GPR149: variants seen among roughly 807,000 people sequenced by gnomAD.
The protein encoded by GPR149 is G protein-coupled receptor 149.
GPR149 carries 50 observed loss-of-function variants against 50.2 expected under a neutral mutation model. The ratio of observed to expected loss-of-function variants is 1.00; its 90% CI spans 0.79 to 1.26. GPR149 has a LOEUF of 1.26. Ranked by LOEUF, GPR149 falls within the 50% of genes most tolerant of loss-of-function variation. The pLI is 0.00. For missense variants in GPR149, 983 were observed against 895.4 expected (o/e 1.10, Z -1.25); for synonymous variants, 405 against 358.2 (o/e 1.13, Z -1.48).
chr3:154,361,733 A>G (rs1203900093), intron 3 of GPR149, among the ~76,000 whole-genome samples: 2 of 152,172 alleles, frequency 1.3e-5, no homozygotes, highest in Non-Finnish European at 2.9e-5. Flanking sequence ...ACCTTCTTAG[A>G]ACCAATAATT....
intron 3 of GPR149, chr3:154,353,598 G>T: frequency 1.7e-6 from 2 of 1,197,080 alleles, no homozygotes; most frequent in Non-Finnish European, 2.5e-6. Flanking sequence ...ATATGGTATT[G>T]CACCATAAAA....
intron 3 of GPR149, among the ~76,000 whole-genome samples, chr3:154,394,927 T>A (rs73162340): frequency 0.26 from 38,788 of 152,080 alleles, 5,180 homozygotes; most frequent in South Asian, 0.32. Context: ...GCATTCCAAC[T>A]GTTAGTAGCT....
chr3:154,409,999 T>C (rs1324223668), intron 3 of GPR149, among the ~76,000 whole-genome samples: 2 of 152,122 alleles, frequency 1.3e-5, no homozygotes, highest in Non-Finnish European at 2.9e-5. Context: ...AGGTAACATA[T>C]AAAGGAAAAC....
At chr3:154,427,869 C>T (rs1712351834) in intron 1 of GPR149, among the ~76,000 whole-genome samples, 161 bp from the exon 2 acceptor site, 1 of 152,220 alleles carries the variant, frequency 6.6e-6, no homozygotes, top group Non-Finnish European at 1.5e-5. Context: ...TGGTGATGGG[C>T]TCCTGGGAAC....
intron 3 of GPR149, among the ~76,000 whole-genome samples, chr3:154,372,918 G>A (rs1306482065): frequency 2.6e-5 from 4 of 152,132 alleles, no homozygotes; most frequent in African/African-American, 7.2e-5. Flanking sequence ...GTGGGTTCAG[G>A]AGAAGATAAT....
chr3:154,429,240 G>C lies in GPR149; in HGVS notation c.376C>G (p.Leu126Val). The C allele has an allele frequency of 6.2e-7, 1 of 1,614,184 alleles. No homozygotes were observed. Among genetic ancestry groups the C allele is most frequent in the African/African-American group, 1.3e-5 (1 of 75,062 alleles). ...GLSSNLKATL[L>V]VSYNFYTMHR... The stretch of plus-strand genomic sequence containing the variant: ...ATCGTATAAAAGTTGTAAGAGACTA[G>C]GAGAGTCGCCTTCAAGTTGCTAGAG... The change falls in exon 1 of 4, where the codon CTA (leucine) becomes GTA (valine). Residue 126 changes from leucine to valine, a missense_variant. Transcript: ENST00000389740.
In GPR149 at chr3:154,427,605, A is replaced by G; in HGVS notation, c.1085T>C (p.Val362Ala). 1.2e-6 allele frequency: 2 copies of G among 1,614,188 alleles called. No individual in the cohort carries two copies. Among genetic ancestry groups the G allele is most frequent in the South Asian group, 2.2e-5 (2 of 91,082 alleles). The stretch of plus-strand genomic sequence containing the variant: ...CAAGTGGGTCCAGCGTTTGGACAAG[A>G]CAAACACTGGGGTTACAGTGGTGGC... Reference protein sequence around the residue: ...LLATTVTPVFVLSKRWTHLPC... With the variant: ...LLATTVTPVFALSKRWTHLPC... Residue 362 changes from valine to alanine, a missense_variant, in exon 2 of 4, where the codon GTC (valine) becomes GCC (alanine). Physicochemically the swap from Val to Ala is moderately conservative, Grantham distance 64. Transcript: ENST00000389740.
chr3:154,355,190 G>C (rs1047923251), intron 3 of GPR149, among the ~76,000 whole-genome samples: 4 of 152,046 alleles, frequency 2.6e-5, no homozygotes, highest in Non-Finnish European at 5.9e-5. Flanking sequence ...ACCAGGCCCA[G>C]CTAATTTTGG....
At chr3:154,352,184 C>A in intron 3 of GPR149, 1 of 823,738 alleles carries the variant, frequency 1.2e-6, no homozygotes, top group Non-Finnish European at 1.9e-6. Flanking sequence ...GAGTTCTATT[C>A]CCACTTCATC....
At chr3:154,342,717 A>G (rs1473937849) in intron 3 of GPR149, among the ~76,000 whole-genome samples, 1 of 152,200 alleles carries the variant, frequency 6.6e-6, no homozygotes, top group Admixed American at 6.5e-5. Flanking sequence ...CTTACAAATA[A>G]TTTTAAAAGT....
At chr3:154,427,463 T>C (rs770903121) in intron 2 of GPR149, 53 bp downstream of exon 2, 60 of 1,509,670 alleles carry the variant, frequency 4.0e-5, no homozygotes, top group Non-Finnish European at 5.2e-5. Context: ...ACCACTTTTC[T>C]GAAAGTCACC....
intron 3 of GPR149, among the ~76,000 whole-genome samples, chr3:154,350,664 T>G (rs1443088824): frequency 6.6e-6 from 1 of 152,138 alleles, no homozygotes; most frequent in Non-Finnish European, 1.5e-5. Context: ...AGCAAGATAT[T>G]TTCACAGTTA....
chr3:154,411,817 GAGAA>G (rs1253981969), intron 3 of GPR149, among the ~76,000 whole-genome samples: 1 of 152,102 alleles, frequency 6.6e-6, no homozygotes, highest in Non-Finnish European at 1.5e-5. Flanking sequence ...CCAAAAGATA[GAGAA>G]AGAGAGAGTT....
chr3:154,368,587 C>T (rs1457753274), intron 3 of GPR149, among the ~76,000 whole-genome samples: 5 of 152,108 alleles, frequency 3.3e-5, no homozygotes, highest in Admixed American at 1.3e-4. Flanking sequence ...CTCTTAGAGC[C>T]GTTGAATTGC....
chr3:154,429,015 C>G lies in GPR149; in HGVS notation c.601G>C (p.Ala201Pro). 1 of 1,614,052 alleles carries G rather than the reference C, an allele frequency of 6.2e-7. No individual in the cohort carries two copies. Among genetic ancestry groups the G allele is most frequent in the South Asian group, 1.1e-5 (1 of 91,088 alleles). Residue 201 changes from alanine (A) to proline (P), a missense_variant, in exon 1 of 4, where the codon GCC becomes CCC. Physicochemically the swap from Ala to Pro is conservative, Grantham distance 27 (BLOSUM62 -1). Transcript: ENST00000389740. Reference sequence around the variant, plus strand: ...GAGAGGCCCACGAGGAGTCCGAAGGCCAAAGCGTACACGATAGAGAGGAAT... The same window carrying G: ...GAGAGGCCCACGAGGAGTCCGAAGGGCAAAGCGTACACGATAGAGAGGAAT... ...VLFLSIVYAL[A>P]FGLLVGLSVP...
At chr3:154,368,296 A>G (rs1442250738) in intron 3 of GPR149, among the ~76,000 whole-genome samples, 1 of 152,198 alleles carries the variant, frequency 6.6e-6, no homozygotes, top group African/African-American at 2.4e-5. Flanking sequence ...GGCAGGATCA[A>G]GATTCCCTAT....
intron 3 of GPR149, among the ~76,000 whole-genome samples, chr3:154,405,577 G>C (rs1179984942): frequency 3.8e-5 from 3 of 79,070 alleles, no homozygotes; most frequent in Admixed American, 2.3e-4. Flanking sequence ...GACAGAGCAA[G>C]ACTCCATCAA....
At chr3:154,427,847 G>T (rs1246658788) in intron 1 of GPR149, 139 bp from the exon 2 acceptor site, 1 of 813,014 alleles carries the variant, frequency 1.2e-6, no homozygotes, top group Non-Finnish European at 1.9e-6. Context: ...TACGGAGCTG[G>T]CTCCCTGTCC....
chr3:154,380,638 T>C (rs35415541), intron 3 of GPR149, among the ~76,000 whole-genome samples: 145,755 of 152,188 alleles, frequency 0.96, 69,899 homozygotes, highest in East Asian at 1. Context: ...AATTTTGTCC[T>C]TGAAATCAAT....
Sources: allele counts gnomAD v4.1 joint callset (sites outside exome capture counted in the v4.1 genomes callset), GRCh38; gene constraint gnomAD v4.1.1; transcripts MANE v1.5; gene names NCBI Gene and HGNC (gene_info 2026-07-23, HGNC 2026-07-21).